Variants in SMC1B observed in about 807,000 individuals in gnomAD.
SMC1B encodes the protein structural maintenance of chromosomes protein 1B.
Under a neutral mutation model 157.9 loss-of-function variants are expected in SMC1B, and 60 were observed. The ratio of observed to expected loss-of-function variants is 0.38; its 90% CI spans 0.31 to 0.47. SMC1B has a LOEUF of 0.47. SMC1B is among the 20% of genes least tolerant of loss of function. The pLI is 0.99. For synonymous variants in SMC1B, 445 were observed against 483.0 expected, an observed-to-expected ratio of 0.92 and a Z score of 1.03; for missense variants, 1,165 against 1,426.2, an observed-to-expected ratio of 0.82 and a Z score of 2.95.
intron 15 of SMC1B, among the ~76,000 whole-genome samples, chr22:45,364,077 G>A (rs1345627297): frequency 6.6e-6 from 1 of 152,100 alleles, no homozygotes; most frequent in African/African-American, 2.4e-5. Flanking sequence ...TCAAACTCCT[G>A]ACCTCAAGTG....
chr22:45,353,261 CA>C (rs11311805), intron 21 of SMC1B, among the ~76,000 whole-genome samples: 80,034 of 102,402 alleles, frequency 0.78, 29,793 homozygotes, highest in Middle Eastern at 0.81. Context: ...AACTCTGTCT[CA>C]AAAAAAAAAA....
chr22:45,404,771 A>G (rs1272103793), intron 4 of SMC1B, among the ~76,000 whole-genome samples: 1 of 152,204 alleles, frequency 6.6e-6, no homozygotes, highest in African/African-American at 2.4e-5. Flanking sequence ...ATGTCCCCCT[A>G]AAATGTATAA....
At chr22:45,403,183 TCTAA>T (rs1392006244) in intron 4 of SMC1B, among the ~76,000 whole-genome samples, 1 of 152,266 alleles carries the variant, frequency 6.6e-6, no homozygotes, top group Non-Finnish European at 1.5e-5. Flanking sequence ...GTTGTTTCGT[TCTAA>T]CTGTCCTTAA....
At chr22:45,380,341 CTG>C in intron 12 of SMC1B, among the ~76,000 whole-genome samples, 2 of 152,262 alleles carry the variant, frequency 1.3e-5, no homozygotes, top group East Asian at 1.9e-4. Context: ...ACGTGAAACT[CTG>C]TGTGTCCTTT....
chr22:45,383,912 T>C (rs1455018581), intron 11 of SMC1B, among the ~76,000 whole-genome samples: 2 of 152,194 alleles, frequency 1.3e-5, no homozygotes, highest in African/African-American at 2.4e-5. Flanking sequence ...TGAAAAAAGC[T>C]TGTACACATA....
At chr22:45,393,863 T>A (rs136604) in intron 8 of SMC1B, 22 bp from the exon 9 acceptor site, 23 of 1,568,826 alleles carry the variant, frequency 1.5e-5, no homozygotes, top group Non-Finnish European at 2.0e-5. Context: ...CAACAAATTA[T>A]ACAGCAAAAT....
chr22:45,369,470 T>G (rs1246598321), intron 15 of SMC1B, among the ~76,000 whole-genome samples: 1 of 152,122 alleles, frequency 6.6e-6, no homozygotes, highest in Non-Finnish European at 1.5e-5. Context: ...ATTTATGCTT[T>G]CTCTCTTTAA....
intron 1 of SMC1B, among the ~76,000 whole-genome samples, chr22:45,411,869 C>T (rs943321724): frequency 6.7e-6 from 1 of 150,338 alleles, no homozygotes; most frequent in African/African-American, 2.5e-5. Context: ...CAGGTGTGGG[C>T]CACCATGTCA....
intron 2 of SMC1B, 32 bp from the exon 3 acceptor site, chr22:45,406,897 T>A: frequency 1.4e-6 from 2 of 1,452,966 alleles, no homozygotes; most frequent in South Asian, 2.8e-5. Context: ...TGTTAAAAAA[T>A]ATATAAATAC....
intron 9 of SMC1B, among the ~76,000 whole-genome samples, chr22:45,391,711 C>A (rs894395082): frequency 2.6e-5 from 4 of 152,254 alleles, no homozygotes; most frequent in African/African-American, 9.6e-5. Context: ...ATGGTAGGGG[C>A]AAGTGAGAAC....
chr22:45,360,683 CAA>C (rs1478504605), intron 17 of SMC1B, among the ~76,000 whole-genome samples: 1 of 151,094 alleles, frequency 6.6e-6, no homozygotes, highest in Non-Finnish European at 1.5e-5. Flanking sequence ...ACACAAAAAA[CAA>C]GAGTTTTAAA....
At chr22:45,362,048 T>C in intron 16 of SMC1B, 64 bp from the exon 17 acceptor site, 1 of 1,502,102 alleles carries the variant, frequency 6.7e-7, no homozygotes, top group Non-Finnish European at 9.0e-7. Flanking sequence ...ACTTCTATGT[T>C]CTTATCAATA....
chr22:45,413,509 A>G lies in SMC1B; in HGVS notation c.59T>C (p.Val20Ala). ...GGTGAACCTCCGGAAGGGGCCAATG[A>G]CCTGGCGGCCCCGCCACGACTTGAA... ...ENFKSWRGRQ[V>A]IGPFRRFTCI... The change falls in exon 1 of 25, where the codon GTC becomes GCC. Residue 20 changes from valine (V) to alanine (A), a missense_variant. Val to Ala is a moderately conservative substitution (Grantham distance 64). Transcript: ENST00000357450. 1.2e-6 allele frequency: 2 copies of G among 1,607,332 alleles called. No homozygotes were observed. The highest frequency in any genetic ancestry group is 1.7e-6 in the Non-Finnish European group (2 of 1,176,888).
At position 45,402,314 on chromosome 22, in the gene SMC1B, T is replaced by G. The variant is rs751180747; in HGVS notation, c.854+19A>C. The stretch of plus-strand genomic sequence containing the variant: ...GCTACATATAACCCAACTGTTAATA[T>G]CTACTTTTAAAAACTCACTTTAATT... On this transcript the variant is annotated intron_variant, in intron 5 of 24. Transcript: ENST00000357450. 6.5e-7 allele frequency: 1 copy of G among 1,534,782 alleles called. No homozygotes were observed. Among genetic ancestry groups the G allele is most frequent in the Admixed American group, 1.7e-5 (1 of 58,610 alleles).
At chr22:45,391,841 T>C (rs1284529968) in intron 9 of SMC1B, among the ~76,000 whole-genome samples, 1 of 152,196 alleles carries the variant, frequency 6.6e-6, no homozygotes, top group Non-Finnish European at 1.5e-5. Context: ...AAATCCCATC[T>C]TGAAGAGAGG....
At position 45,344,608 on chromosome 22, in the gene SMC1B, T is replaced by C; in HGVS notation, c.3656A>G (p.Tyr1219Cys). 5.0e-6 allele frequency: 8 copies of C among 1,614,144 alleles called. No homozygotes were observed. The highest frequency in any genetic ancestry group is 6.8e-6 in the Non-Finnish European group (8 of 1,179,972). Residue 1219 changes from tyrosine to cysteine, a missense_variant, in exon 25 of 25, where the codon TAT becomes TGT. Transcript: ENST00000357450. ...SRVLTLDLSQ[Y>C]PDTEGQESSK... Reference sequence around the variant, plus strand: ...GCTTTCTTGGCCTTCAGTGTCTGGATACTGAGAAAGATCTAGGGTCAAAAC... The same window carrying C: ...GCTTTCTTGGCCTTCAGTGTCTGGACACTGAGAAAGATCTAGGGTCAAAAC...
intron 6 of SMC1B, among the ~76,000 whole-genome samples, chr22:45,398,258 T>C (rs1000462868): frequency 7.9e-5 from 12 of 152,202 alleles, no homozygotes; most frequent in African/African-American, 2.7e-4. Flanking sequence ...TGGAAGTGGC[T>C]TGCAACACAC....
intron 8 of SMC1B, 67 bp downstream of exon 8, chr22:45,394,617 TG>T (rs1488915743): frequency 7.1e-7 from 1 of 1,404,310 alleles, no homozygotes; most frequent in East Asian, 2.8e-5. Context: ...GCCTGGGCGA[TG>T]GGAGTGAGAC....
chr22:45,354,104 T>G lies in SMC1B; in HGVS notation c.3147A>C (p.Arg1049Ser). Reference sequence around the variant, plus strand: ...CTTGCTCGAACTCTTGCCTACACAGTCTGGCTTCCTTTCTGCTGGCCTCAA... The same window carrying G: ...CTTGCTCGAACTCTTGCCTACACAGGCTGGCTTCCTTTCTGCTGGCCTCAA... ...DAFEASRKEA[R>S]LCRQEFEQVK... is the part of the protein sequence containing the mutation. The change falls in exon 21 of 25, where the codon AGA becomes AGC. Residue 1049 changes from arginine (R) to serine (S), a missense_variant. Transcript: ENST00000357450. The G allele has an allele frequency of 6.3e-7, 1 of 1,579,138 alleles. No homozygotes were observed.
Sources: allele counts gnomAD v4.1 joint callset (sites outside exome capture counted in the v4.1 genomes callset), GRCh38; gene constraint gnomAD v4.1.1; transcripts MANE v1.5; gene names NCBI Gene and HGNC (gene_info 2026-07-23, HGNC 2026-07-21).